The following MLLT10 variants were observed in gnomAD, a reference collection of about 807,000 sequenced individuals.
MLLT10 encodes MLLT10 histone lysine methyltransferase DOT1L cofactor.
A neutral mutation model predicts 129.1 loss-of-function variants in MLLT10; 30 were observed. The observed-to-expected ratio is 0.23, with a 90% CI of 0.17 to 0.32. The LOEUF is 0.32. Among genes scored for constraint, MLLT10 ranks in the 10% least tolerant of loss-of-function variants. MLLT10 has a pLI of 1.00. For synonymous variants in MLLT10, 490 were observed against 446.4 expected (o/e 1.10, Z -1.23); for missense variants, 1,119 against 1,268.3 (o/e 0.88, Z 1.79).
chr10:21,738,083 C>T (rs1564755025), intron 21 of MLLT10, among the ~76,000 whole-genome samples: 1 of 151,940 alleles, frequency 6.6e-6, no homozygotes, highest in South Asian at 2.1e-4. Flanking sequence ...GCCTGACCAA[C>T]GTGGTGAAAC....
At chr10:21,538,995 G>A (rs1052616408) in intron 3 of MLLT10, 83 bp downstream of exon 3, 3 of 932,198 alleles carry the variant, frequency 3.2e-6, no homozygotes, top group Admixed American at 4.3e-5. Context: ...GGTTTGTGGG[G>A]TTGTCAGTCA....
chr10:21,631,410 A>G (rs1414827452), intron 8 of MLLT10, among the ~76,000 whole-genome samples: 1 of 151,436 alleles, frequency 6.6e-6, no homozygotes, highest in East Asian at 1.9e-4. Flanking sequence ...AAGATGAACT[A>G]TGTCTGACTA....
At chr10:21,694,406 T>C (rs1193324357) in intron 13 of MLLT10, among the ~76,000 whole-genome samples, 2 of 152,226 alleles carry the variant, frequency 1.3e-5, no homozygotes, top group Non-Finnish European at 2.9e-5. Context: ...ATATTATCAA[T>C]AACACATAAT....
At chr10:21,620,669 A>T (rs1475491498) in intron 8 of MLLT10, among the ~76,000 whole-genome samples, 5 of 150,980 alleles carry the variant, frequency 3.3e-5, no homozygotes, top group East Asian at 1.9e-4. Flanking sequence ...CTTTTTTTTT[A>T]AATTTACAAT....
At chr10:21,680,846 C>T (rs925017551) in intron 11 of MLLT10, among the ~76,000 whole-genome samples, 10 of 152,006 alleles carry the variant, frequency 6.6e-5, no homozygotes, top group African/African-American at 2.4e-4. Context: ...GTGGCATGCA[C>T]CTGTAGTCCC....
chr10:21,556,032 A>G (rs140194277), intron 3 of MLLT10, among the ~76,000 whole-genome samples: 4,548 of 138,268 alleles, frequency 0.033, 230 homozygotes, highest in African/African-American at 0.12. Flanking sequence ...CCAGAGTGCA[A>G]TGGTGCGATC....
Position 21,733,043 on chromosome 10 carries a change from A to G in MLLT10, c.2363A>G (p.Asn788Ser). The change falls in exon 18 of 23, where the codon AAT (asparagine) becomes AGT (serine). Residue 788 changes from asparagine (N) to serine (S), a missense_variant. Transcript: ENST00000307729. ...LSVPFPTITA[N>S]PSPSHQIHTF... ...GTGCCTTTTCCAACAATAACAGCAA[A>G]TCCTAGTCCGTCTCATCAAATACAC... 6.2e-7 allele frequency: 1 copy of G among 1,613,658 alleles called. No individual in the cohort carries two copies. Among genetic ancestry groups the G allele is most frequent in the Non-Finnish European group, 8.5e-7 (1 of 1,179,814 alleles).
chr10:21,617,578 A>C (rs2045388315), intron 8 of MLLT10, among the ~76,000 whole-genome samples: 2 of 152,094 alleles, frequency 1.3e-5, no homozygotes, highest in East Asian at 1.9e-4. Flanking sequence ...ATAATAGAAC[A>C]ATTTTGAAGT....
intron 8 of MLLT10, among the ~76,000 whole-genome samples, chr10:21,621,422 T>A (rs1234648972): frequency 2.6e-5 from 4 of 151,568 alleles, no homozygotes; most frequent in Non-Finnish European, 5.9e-5. Context: ...TTTTTTTGTA[T>A]TTTTAGTAGA....
chr10:21,670,500 G>A lies in MLLT10; in HGVS notation c.847G>A (p.Glu283Lys). ...NSISGSLKRL[E>K]DTTARFTNAN... ...TATATCTGGATCATTGAAGCGCTTG[G>A]AAGATACTACTGCACGATTTACAAA... Residue 283 changes from glutamate (E) to lysine (K), a missense_variant, in exon 10 of 23, where the codon GAA becomes AAA. By Grantham distance (56) the Glu-to-Lys change is moderately conservative. Coordinates refer to ENST00000307729, the MANE Select transcript of MLLT10 (RefSeq NM_001195626.3). The A allele has an allele frequency of 6.2e-7, 1 of 1,614,104 alleles. No homozygotes were observed. The highest frequency in any genetic ancestry group is 8.5e-7 in the Non-Finnish European group (1 of 1,180,004).
intron 5 of MLLT10, among the ~76,000 whole-genome samples, chr10:21,608,022 C>A (rs1299225350): frequency 7.1e-6 from 1 of 141,418 alleles, no homozygotes; most frequent in African/African-American, 2.6e-5. Flanking sequence ...TTTTTTTCTT[C>A]TTTTTTTTTG....
chr10:21,598,027 G>T (rs766737140), intron 5 of MLLT10, among the ~76,000 whole-genome samples: 5 of 152,002 alleles, frequency 3.3e-5, no homozygotes, highest in Non-Finnish European at 5.9e-5. Context: ...TGTTCCTTTT[G>T]CCTTTTCCTC....
At chr10:21,575,968 C>A (rs530517371) in intron 3 of MLLT10, among the ~76,000 whole-genome samples, 28 of 152,108 alleles carry the variant, frequency 1.8e-4, no homozygotes, top group Non-Finnish European at 2.8e-4. Context: ...ACTCTGTCAC[C>A]CAGGCTGGAG....
chr10:21,598,843 C>T (rs746931212), intron 5 of MLLT10, among the ~76,000 whole-genome samples: 35 of 151,612 alleles, frequency 2.3e-4, no homozygotes, highest in Middle Eastern at 3.2e-3. Flanking sequence ...CAAGATCACA[C>T]CACTTCACTC....
chr10:21,676,798 T>C (rs2052208423), intron 11 of MLLT10, among the ~76,000 whole-genome samples: 4 of 145,410 alleles, frequency 2.8e-5, no homozygotes, highest in South Asian at 2.2e-4. Context: ...GCTATAATCA[T>C]GGAATAAGAT....
chr10:21,659,324 A>G (rs894495851), intron 9 of MLLT10, among the ~76,000 whole-genome samples: 1 of 152,152 alleles, frequency 6.6e-6, no homozygotes, highest in African/African-American at 2.4e-5. Flanking sequence ...TATCACAACT[A>G]ATGTGTGAAC....
At position 21,556,669 on chromosome 10, in the gene MLLT10, C is replaced by G. The variant is rs201598536; in HGVS notation, c.240+17757C>G. The G allele has an allele frequency of 2.4e-5, 39 of 1,611,964 alleles. No individual in the cohort carries two copies. In the African/African-American group the frequency reaches 4.4e-4, roughly 18 times the overall value. On this transcript the variant is annotated intron_variant, in intron 3 of 22. Coordinates refer to ENST00000307729, the MANE Select transcript of MLLT10 (RefSeq NM_001195626.3). ...TGGTATGCAATTCCTGTTGGTTAGC[C>G]TCATCTGAAAACGTCACTCCTGGAT...
chr10:21,682,149 C>G (rs1046244167), intron 12 of MLLT10, 76 bp from the exon 13 acceptor site: 1 of 1,162,776 alleles, frequency 8.6e-7, no homozygotes, highest in African/African-American at 1.6e-5. Flanking sequence ...TATACTAATT[C>G]AGTGTATGGC....
chr10:21,714,601 C>G (rs1376168500), intron 14 of MLLT10, among the ~76,000 whole-genome samples: 2 of 152,158 alleles, frequency 1.3e-5, no homozygotes, highest in Non-Finnish European at 2.9e-5. Context: ...GGTGTGATCT[C>G]AGCTCACTGC....
Sources: allele counts gnomAD v4.1 joint callset (sites outside exome capture counted in the v4.1 genomes callset), GRCh38; gene constraint gnomAD v4.1.1; transcripts MANE v1.5; gene names NCBI Gene and HGNC (gene_info 2026-07-23, HGNC 2026-07-21).